The following MRPL13 variants were observed in gnomAD, a reference collection of about 807,000 sequenced individuals.
MRPL13 encodes the protein large ribosomal subunit protein uL13m.
A neutral mutation model predicts 29.0 loss-of-function variants in MRPL13; 33 were observed. That is an observed-to-expected ratio of 1.14 (90% CI 0.86 to 1.52). MRPL13 has a LOEUF of 1.52. Ranked by LOEUF, MRPL13 falls within the 40% of genes most tolerant of loss-of-function variation. MRPL13 has a pLI of 0.00. For synonymous variants in MRPL13, 77 were observed against 68.4 expected (o/e 1.13, Z -0.62); for missense variants, 227 against 216.7 (o/e 1.05, Z -0.30).
chr8:120,398,802 G>A lies in MRPL13; in HGVS notation c.516-2677C>T, dbSNP rs529958567. On this transcript the variant is annotated intron_variant, in intron 6 of 6. Transcript: ENST00000306185. ...CAGCCAGAATAGCCAGTTTAGAGAG[G>A]AGCATTACTGACCTGATGGAGCTGA... is the stretch of plus-strand genomic sequence containing the variant. Among the ~76,000 whole-genome samples the A allele has an allele frequency of 3.3e-5, 5 of 152,248 alleles. No individual in the cohort carries two copies. In the South Asian group the frequency reaches 6.2e-4, roughly 19 times the overall value.
At chr8:120,414,536 T>A (rs1180398797) in intron 5 of MRPL13, 2 of 152,254 alleles carry the variant, frequency 1.3e-5, no homozygotes, top group African/African-American at 4.8e-5. Flanking sequence ...TTATTGAACT[T>A]CTAAGAACCA....
Position 120,414,024 on chromosome 8 carries a change from T to A in MRPL13, c.482A>T (p.Glu161Val). The A allele has an allele frequency of 1.9e-6, 3 of 1,574,128 alleles. No homozygotes were observed. The highest frequency in any genetic ancestry group is 2.6e-6 in the Non-Finnish European group (3 of 1,164,620). Residue 161 changes from glutamate to valine, a missense_variant, in exon 6 of 7, where the codon GAA (glutamate) becomes GTA (valine). Glu to Val is a moderately radical substitution (Grantham distance 121, BLOSUM62 -2). Coordinates refer to ENST00000306185, the MANE Select transcript of MRPL13 (RefSeq NM_014078.6). ...CAATCTTGGGAAGGCGTCTATTTCT[T>A]CTTGTGTGTACTCATCTAGACGTTT... ...IPKRLDEYTQ[E>V]EIDAFPRLWT...
rs1812517198 is a variant in MRPL13, at chr8:120,395,923, AT to A, written c.*180del. ...TACATAAAAATGGTTCTATAAAATT[AT>A]ATTTTAATTACAATTTCCTATTGAA... On this transcript the variant is annotated 3_prime_UTR_variant, in exon 7 of 7. Coordinates refer to ENST00000306185, the MANE Select transcript of MRPL13 (RefSeq NM_014078.6). 29 of 516,768 alleles carry A rather than the reference AT, an allele frequency of 5.6e-5. No homozygotes were observed. The South Asian group carries it at 8.5e-4, about 15-fold the overall frequency. The allele number at this position is 516,768 out of a possible 1,614,324, so 32.0% of individuals were successfully genotyped here. A position where few individuals can be genotyped will look rare whatever the true frequency, so the allele number is the denominator to read the frequency against.
At chr8:120,405,521 C>G (rs1242845318) in intron 6 of MRPL13, among the ~76,000 whole-genome samples, 1 of 152,206 alleles carries the variant, frequency 6.6e-6, no homozygotes, top group Non-Finnish European at 1.5e-5. Context: ...TTCTAATTAG[C>G]ATGGGTTCCC....
rs940541700 is a variant in MRPL13, at chr8:120,429,493, T to TA, written c.245+2536dup. 6.7e-3 allele frequency among the ~76,000 whole-genome samples: 863 copies of TA among 129,308 alleles called. 10 individuals are homozygous for TA. Among genetic ancestry groups the TA allele is most frequent in the African/African-American group, 0.021 (732 of 35,320 alleles). The allele number at this position is 129,308 out of a possible 152,430, so 84.8% of individuals were successfully genotyped here. On this transcript the variant is annotated intron_variant, in intron 3 of 6. Transcript: ENST00000306185. ...TGCACATGTAACTGAACTTAAAAGT[T>TA]AAAAAAAAAAAACAAAAAACAAGAA...
chr8:120,403,683 T>C (rs1812631193), intron 6 of MRPL13, among the ~76,000 whole-genome samples: 1 of 152,196 alleles, frequency 6.6e-6, no homozygotes, highest in African/African-American at 2.4e-5. Flanking sequence ...AAATATGTAA[T>C]AGTTTGAGTT....
intron 6 of MRPL13, among the ~76,000 whole-genome samples, chr8:120,402,375 G>A (rs781738407): frequency 6.6e-6 from 1 of 151,966 alleles, no homozygotes; most frequent in Non-Finnish European, 1.5e-5. Flanking sequence ...ATCTTCGACA[G>A]ACCTCACAAA....
intron 2 of MRPL13, among the ~76,000 whole-genome samples, chr8:120,433,092 G>A (rs997511307): frequency 5.3e-5 from 8 of 152,070 alleles, no homozygotes; most frequent in Admixed American, 2.6e-4. Context: ...TAATGCAAGT[G>A]GGTTTTCATC....
chr8:120,398,879 T>G (rs766241993), intron 6 of MRPL13, among the ~76,000 whole-genome samples: 1 of 151,804 alleles, frequency 6.6e-6, no homozygotes, highest in Non-Finnish European at 1.5e-5. Flanking sequence ...AATAGCAGAA[T>G]AGACCAAGTA....
chr8:120,424,759 T>A (rs1236874831), intron 4 of MRPL13, among the ~76,000 whole-genome samples: 2 of 151,934 alleles, frequency 1.3e-5, no homozygotes, highest in East Asian at 3.9e-4. Context: ...GAGTGAGACC[T>A]TGTCTCCAGA....
At chr8:120,441,341 T>TA (rs1223611576) in intron 2 of MRPL13, among the ~76,000 whole-genome samples, 2 of 152,166 alleles carry the variant, frequency 1.3e-5, no homozygotes, top group Admixed American at 1.3e-4. Context: ...AGATGATTTT[T>TA]AGATACATGA....
At chr8:120,445,033 A>G (rs1319872537) in intron 1 of MRPL13, 35 bp downstream of exon 1, 1 of 1,613,654 alleles carries the variant, frequency 6.2e-7, no homozygotes, top group Non-Finnish European at 8.5e-7. Flanking sequence ...TGCCAGTATA[A>G]TGAACCCCAT....
In MRPL13 at chr8:120,445,051, TAA is replaced by T. The variant is rs751650946; in HGVS notation, c.27+15_27+16del. The T allele has an allele frequency of 9.9e-6, 16 of 1,613,830 alleles. No individual in the cohort carries two copies. In the East Asian group the frequency reaches 3.6e-4, roughly 36 times the overall value. ...CAGTATAATGAACCCCATCAAGCCA[TAA>T]GAGTCCGAGCTCACCTGGGGCGCCC... On this transcript the variant is annotated intron_variant, in intron 1 of 6. Coordinates refer to ENST00000306185, the MANE Select transcript of MRPL13 (RefSeq NM_014078.6).
intron 6 of MRPL13, among the ~76,000 whole-genome samples, chr8:120,411,749 AAG>A (rs1812741447): frequency 1.3e-5 from 2 of 152,206 alleles, no homozygotes; most frequent in Admixed American, 1.3e-4. Flanking sequence ...ATCTGGAATG[AAG>A]AGAGAGGGCA....
rs558103717 is a variant in MRPL13, at chr8:120,429,006, A to G, written c.245+3024T>C. On this transcript the variant is annotated intron_variant, in intron 3 of 6. Coordinates refer to ENST00000306185, the MANE Select transcript of MRPL13 (RefSeq NM_014078.6). ...AATCCCATTCCTAGGTACATACCCTAAGAAATATAAATTGTTCTATTATGA... is the reference window on the plus strand; with the variant it reads ...AATCCCATTCCTAGGTACATACCCTGAGAAATATAAATTGTTCTATTATGA... Among the ~76,000 whole-genome samples the G allele has an allele frequency of 5.3e-5, 8 of 152,280 alleles. No individual in the cohort carries two copies. In the East Asian group the frequency reaches 1.5e-3, roughly 29 times the overall value.
intron 6 of MRPL13, among the ~76,000 whole-genome samples, chr8:120,401,988 G>A (rs1812602858): frequency 1.3e-5 from 2 of 152,098 alleles, no homozygotes; most frequent in South Asian, 4.1e-4. Flanking sequence ...CACTGCTCAA[G>A]GAAATCAGAG....
chr8:120,426,906 T>G (rs1812937108), intron 3 of MRPL13, among the ~76,000 whole-genome samples: 2 of 152,156 alleles, frequency 1.3e-5, no homozygotes, highest in South Asian at 2.1e-4. Flanking sequence ...AAGTTGTATC[T>G]CTAACTCATG....
chr8:120,398,832 T>C (rs914794189), intron 6 of MRPL13, among the ~76,000 whole-genome samples: 2 of 151,660 alleles, frequency 1.3e-5, no homozygotes, highest in South Asian at 4.2e-4. Flanking sequence ...AGCTGAAAAA[T>C]ACAACATGAG....
At chr8:120,442,402 G>A (rs932676067) in intron 2 of MRPL13, among the ~76,000 whole-genome samples, 1 of 151,934 alleles carries the variant, frequency 6.6e-6, no homozygotes, top group Non-Finnish European at 1.5e-5. Flanking sequence ...ATAACATAAT[G>A]CCAAAAAAAT....
Sources: allele counts gnomAD v4.1 joint callset (sites outside exome capture counted in the v4.1 genomes callset), GRCh38; gene constraint gnomAD v4.1.1; transcripts MANE v1.5; gene names NCBI Gene and HGNC (gene_info 2026-07-23, HGNC 2026-07-21).